Variants in RNF123 observed in about 807,000 individuals in gnomAD.
The protein encoded by RNF123 is ring finger protein 123, also known as E3 ubiquitin-protein ligase RNF123.
A neutral mutation model predicts 168.5 loss-of-function variants in RNF123; 86 were observed. The observed-to-expected ratio is 0.51, with a 90% CI of 0.43 to 0.61. RNF123 has a LOEUF of 0.61. Ranked by LOEUF, RNF123 falls within the 20% of genes least tolerant of loss-of-function variation. RNF123 has a pLI of 0.00. For missense variants in RNF123, 1,419 were observed against 1,729.7 expected, an observed-to-expected ratio of 0.82 and a Z score of 3.19; for synonymous variants, 666 against 689.1, an observed-to-expected ratio of 0.97 and a Z score of 0.52.
chr3:49,717,656 A>C (rs2108202605), intron 35 of RNF123: 1 of 506,980 alleles, frequency 2.0e-6, no homozygotes. Context: ...TGGGTCTCTC[A>C]GCCTCACAGG....
In RNF123 at chr3:49,715,723, T is replaced by C; in HGVS notation, c.3150+9T>C. On this transcript the variant is annotated intron_variant, in intron 32 of 38. Coordinates refer to ENST00000327697, the MANE Select transcript of RNF123 (RefSeq NM_022064.5). ...TTGGCATGATCCAAGAGGTGGGCTG[T>C]GGTGGGGCCTCGTGGGTTAGGGTGG... 6.2e-7 allele frequency: 1 copy of C among 1,614,196 alleles called. No individual in the cohort carries two copies. The highest frequency in any genetic ancestry group is 8.5e-7 in the Non-Finnish European group (1 of 1,180,040).
chr3:49,711,596 C>T (rs919858938), intron 26 of RNF123, among the ~76,000 whole-genome samples: 7 of 152,146 alleles, frequency 4.6e-5, no homozygotes, highest in African/African-American at 1.7e-4. Context: ...ATCTTCTCCT[C>T]AGTTCCTTGG....
In RNF123 at chr3:49,702,362, C is replaced by A; in HGVS notation, c.1586C>A (p.Thr529Asn). The A allele has an allele frequency of 3.7e-6, 6 of 1,614,214 alleles. No homozygotes were observed. Among genetic ancestry groups the A allele is most frequent in the Non-Finnish European group, 5.1e-6 (6 of 1,180,026 alleles). ...GAAGCTTCTAGGTATATCTTCCTGA[C>A]CAAGTTTCGCAAGTTTCTGCAGGAG... ...GGEASRYIFL[T>N]KFRKFLQENA... The change falls in exon 19 of 39, where the codon ACC (threonine) becomes AAC (asparagine). Residue 529 changes from threonine to asparagine, a missense_variant. By Grantham distance (65) the Thr-to-Asn change is moderately conservative. Around this residue, in one of 5 missense-constraint regions of RNF123, gnomAD observed 349 missense variants for 344.9 expected, o/e 1.01. Coordinates refer to ENST00000327697, the MANE Select transcript of RNF123 (RefSeq NM_022064.5).
At chr3:49,716,796 C>T (rs796440906) in intron 35 of RNF123, 4 of 311,730 alleles carry the variant, frequency 1.3e-5, no homozygotes, top group Non-Finnish European at 2.4e-5. Flanking sequence ...AGGGCCAGGC[C>T]GCCAGGAGAG....
chr3:49,715,972 C>T lies in RNF123; in HGVS notation c.3301C>T (p.Arg1101Trp), dbSNP rs145802061. 1.1e-4 allele frequency: 175 copies of T among 1,613,970 alleles called. No individual in the cohort carries two copies. The highest frequency in any genetic ancestry group is 1.4e-4 in the Non-Finnish European group (165 of 1,180,026). ...GCCTGAGATATTCCTTGACTGGACC[C>T]GGCCTACCTCTGAGATGCTGCTGCG... ...LVPEIFLDWT[R>W]PTSEMLLRRL... is the part of the protein sequence containing the mutation. Residue 1101 changes from arginine (R) to tryptophan (W), a missense_variant, in exon 33 of 39, where the codon CGG becomes TGG. Transcript: ENST00000327697.
At position 49,720,500 on chromosome 3, in the gene RNF123, C is replaced by A; in HGVS notation, c.3501-11C>A. ...AGCCTTCTGACTGCCCTTGCACCCT[C>A]CCCTACCTAGGAGAGAGCAAGCCAC... On this transcript the variant is annotated splice_polypyrimidine_tract_variant and intron_variant, in intron 35 of 38. Transcript: ENST00000327697. 6 of 1,551,844 alleles carry A rather than the reference C, an allele frequency of 3.9e-6. No homozygotes were observed. The highest frequency in any genetic ancestry group is 5.2e-6 in the Non-Finnish European group (6 of 1,147,220).
At chr3:49,718,880 C>T (rs758726531) in intron 35 of RNF123, 7 of 1,613,514 alleles carry the variant, frequency 4.3e-6, no homozygotes, top group Non-Finnish European at 5.9e-6. Flanking sequence ...GAGATGTGTC[C>T]CAGCCGGTTG....
intron 20 of RNF123, 132 bp from the exon 21 acceptor site, chr3:49,703,295 G>C: frequency 1.5e-6 from 1 of 683,996 alleles, no homozygotes; most frequent in East Asian, 2.8e-5. Flanking sequence ...CAGTTTCTCT[G>C]TCTGCCTGGA....
chr3:49,699,774 T>C lies in RNF123; in HGVS notation c.984+2T>C. 1 of 1,612,874 alleles carries C rather than the reference T, an allele frequency of 6.2e-7. No individual in the cohort carries two copies. The highest frequency in any genetic ancestry group is 8.5e-7 in the Non-Finnish European group (1 of 1,179,784). On this transcript the variant is annotated splice_donor_variant, in intron 12 of 38. Transcript: ENST00000327697. LOFTEE classifies it high-confidence loss of function. This position sits in a 1 kb window ranked among gnomAD's most constrained non-coding sequence, Gnocchi z 4.8. ...TTCCATCACTTTGCACCGCTTCTGG[T>C]GAGCGGCATTGGGAGGGGCATGGGA...
At chr3:49,702,521 C>A in intron 19 of RNF123, 112 bp from the exon 20 acceptor site, 1 of 1,606,074 alleles carries the variant, frequency 6.2e-7, no homozygotes, top group Non-Finnish European at 8.5e-7. Flanking sequence ...AAGCTTTTCT[C>A]TGCTGCTTTT....
At chr3:49,711,434 C>T (rs1031962639) in intron 26 of RNF123, among the ~76,000 whole-genome samples, 5 of 152,178 alleles carry the variant, frequency 3.3e-5, no homozygotes, top group Non-Finnish European at 7.3e-5. Context: ...TCAATCCGGC[C>T]GGCACATTTC....
chr3:49,714,576 G>A (rs1181632668), intron 31 of RNF123, among the ~76,000 whole-genome samples: 2 of 152,216 alleles, frequency 1.3e-5, no homozygotes, highest in Non-Finnish European at 2.9e-5. Context: ...TTTGCTATCT[G>A]CTGGTGGCAG....
At chr3:49,713,444 AC>A (rs2080180371) in intron 27 of RNF123, 68 bp from the exon 28 acceptor site, 4 of 1,471,954 alleles carry the variant, frequency 2.7e-6, no homozygotes, top group African/African-American at 1.4e-5. Flanking sequence ...AAGTCCACCC[AC>A]CCTGCTGACA....
Position 49,697,427 on chromosome 3 carries a change from G to A in RNF123, c.312G>A (p.Gly104=). Residue 104 remains glycine (G), a synonymous_variant, in exon 5 of 39, where the codon GGG becomes GGA. Transcript: ENST00000327697. ...VVLDHTGGFE[G]LLLVDDDLLG... is the part of the protein sequence containing the mutation. ...TGGACCACACAGGCGGCTTTGAGGGGCTTCTCCTGGTGGATGATGACCTGC... is the reference window on the plus strand; with the variant it reads ...TGGACCACACAGGCGGCTTTGAGGGACTTCTCCTGGTGGATGATGACCTGC... 6.2e-7 allele frequency: 1 copy of A among 1,610,318 alleles called. No homozygotes were observed. The highest frequency in any genetic ancestry group is 2.2e-5 in the East Asian group (1 of 44,834).
chr3:49,718,578 C>T (rs1466765082), intron 35 of RNF123: 3 of 1,612,980 alleles, frequency 1.9e-6, no homozygotes, highest in East Asian at 2.2e-5. Flanking sequence ...AGTAAAGCCT[C>T]AGGGACCGAC....
rs568362687 is a variant in RNF123, at chr3:49,710,115, C to A, written c.2497-2364C>A. Among the ~76,000 whole-genome samples, 4 of 152,250 alleles carry A rather than the reference C, an allele frequency of 2.6e-5. No homozygotes were observed. In the South Asian group the frequency reaches 8.3e-4, roughly 32 times the overall value. On this transcript the variant is annotated intron_variant, in intron 26 of 38. Coordinates refer to ENST00000327697, the MANE Select transcript of RNF123 (RefSeq NM_022064.5). ...CCTCCCAAAGTGCGGGGATTATAGG[C>A]ATGAGCCACCACACCCGGCAATTTC... is the stretch of plus-strand genomic sequence containing the variant.
Position 49,701,497 on chromosome 3 carries a change from C to T in RNF123, c.1284C>T (p.Asp428=), listed in dbSNP as rs372521579. The T allele has an allele frequency of 1.1e-5, 18 of 1,613,474 alleles. No homozygotes were observed. Among genetic ancestry groups the T allele is most frequent in the African/African-American group, 8.0e-5 (6 of 75,052 alleles). Residue 428 remains aspartate, a synonymous_variant, in exon 16 of 39, where the codon GAC becomes GAT. Transcript: ENST00000327697. ...CTGCCTTGACACCCGCCAGCTTCGA[C>T]GTGCTCCGCTCCGTCGTCTTCTTTT... is the stretch of plus-strand genomic sequence containing the variant. The part of the protein sequence containing the change: ...RKFLLSNVLF[D]VLRSVVFFYI...
At chr3:49,719,357 T>G in intron 35 of RNF123, 1 of 1,613,496 alleles carries the variant, frequency 6.2e-7, no homozygotes, top group Non-Finnish European at 8.5e-7. Context: ...CAGATACATT[T>G]GTAGGGGCAG....
chr3:49,706,108 G>A (rs778810916), intron 25 of RNF123, 43 bp downstream of exon 25: 26 of 1,551,132 alleles, frequency 1.7e-5, no homozygotes, highest in South Asian at 7.8e-5. Context: ...TTGCTTACTC[G>A]TACAGGTAAC....
Sources: gnomAD v4.1 joint callset for allele counts (sites outside exome capture counted in the v4.1 genomes callset) on GRCh38, gnomAD v4.1.1 for gene constraint, gnomAD v4.1.1 regional missense constraint, Gnocchi (gnomAD v3.1) non-coding constraint, MANE v1.5 for transcripts, NCBI Gene and HGNC (gene_info 2026-07-23, HGNC 2026-07-21) for gene names.